The following CDH12 variants were observed in gnomAD, a reference collection of about 807,000 sequenced individuals.
CDH12 encodes the protein cadherin 12.
Under a neutral mutation model 74.1 loss-of-function variants are expected in CDH12, and 41 were observed. The ratio of observed to expected loss-of-function variants is 0.55; its 90% confidence interval spans 0.43 to 0.72. The LOEUF is 0.72. Ranked by LOEUF, CDH12 falls within the 30% of genes least tolerant of loss-of-function variation. CDH12 has a pLI of 0.00. For missense variants in CDH12, 945 were observed against 977.2 expected, an observed-to-expected ratio of 0.97 and a Z score of 0.44; for synonymous variants, 399 against 355.0, an observed-to-expected ratio of 1.12 and a Z score of -1.39.
At chr5:22,570,799 G>T (rs766586606) in intron 1 of CDH12, among the ~76,000 whole-genome samples, 2 of 151,404 alleles carry the variant, frequency 1.3e-5, no homozygotes, top group Non-Finnish European at 2.9e-5. Flanking sequence ...CTTCTCTCTA[G>T]CTATGAAAAT....
intron 1 of CDH12, among the ~76,000 whole-genome samples, chr5:22,797,379 A>G (rs1232416611): frequency 6.6e-5 from 10 of 152,104 alleles, no homozygotes; most frequent in Non-Finnish European, 1.5e-4. Context: ...TCTGTAGTCC[A>G]TGGCATTCTG....
intron 1 of CDH12, among the ~76,000 whole-genome samples, chr5:22,518,147 T>C (rs145184923): frequency 1.3e-4 from 20 of 152,354 alleles, no homozygotes; most frequent in African/African-American, 4.3e-4. Context: ...TAGTAATTTA[T>C]TGATGAAGAT....
Position 22,216,424 on chromosome 5 carries a change from T to C in CDH12, c.-332-3781A>G, listed in dbSNP as rs1415603750. Reference sequence around the variant, plus strand: ...TCTTACACAAATAGAATCTTGCTTCTGTATACCAATGTAGATTCAGCTATT... The same window carrying C: ...TCTTACACAAATAGAATCTTGCTTCCGTATACCAATGTAGATTCAGCTATT... On this transcript the variant is annotated intron_variant, in intron 3 of 14. Coordinates refer to ENST00000382254, the MANE Select transcript of CDH12 (RefSeq NM_004061.5). 3.3e-5 allele frequency among the ~76,000 whole-genome samples: 5 copies of C among 152,092 alleles called. No homozygotes were observed. The East Asian group carries it at 9.7e-4, about 29-fold the overall frequency.
chr5:22,733,439 CTTT>C (rs76609709), intron 1 of CDH12, among the ~76,000 whole-genome samples: 2 of 142,464 alleles, frequency 1.4e-5, no homozygotes, highest in African/African-American at 2.6e-5. Context: ...CTTTGTGAAT[CTTT>C]TTTTTTTTTT....
intron 1 of CDH12, among the ~76,000 whole-genome samples, chr5:22,650,045 A>T (rs188819389): frequency 2.7e-3 from 408 of 152,178 alleles, no homozygotes; most frequent in African/African-American, 8.7e-3. Context: ...TGGGTGCAAA[A>T]TTAAATCATA....
chr5:22,562,438 T>G (rs1549327), intron 1 of CDH12, among the ~76,000 whole-genome samples: 22,880 of 152,228 alleles, frequency 0.15, 2,344 homozygotes, highest in East Asian at 0.37. Flanking sequence ...ATCGCCACTT[T>G]CTGTCTAAAA....
intron 1 of CDH12, among the ~76,000 whole-genome samples, chr5:22,646,326 G>A (rs1054948789): frequency 4.0e-5 from 6 of 151,700 alleles, no homozygotes; most frequent in African/African-American, 1.4e-4. Flanking sequence ...AATCAATCAT[G>A]CTGTCATTTC....
chr5:22,252,235 T>C (rs1160923855), intron 3 of CDH12, among the ~76,000 whole-genome samples: 2 of 152,006 alleles, frequency 1.3e-5, no homozygotes, highest in East Asian at 1.9e-4. Context: ...GATAATCTAG[T>C]GTTAGATGTA....
intron 1 of CDH12, among the ~76,000 whole-genome samples, chr5:22,625,244 A>G (rs1738223464): frequency 6.6e-6 from 1 of 152,220 alleles, no homozygotes; most frequent in Admixed American, 6.5e-5. Flanking sequence ...AACATGGCAC[A>G]TGTATACATA....
At chr5:21,847,551 C>A (rs1001280387) in intron 7 of CDH12, among the ~76,000 whole-genome samples, 1 of 152,010 alleles carries the variant, frequency 6.6e-6, no homozygotes, top group Non-Finnish European at 1.5e-5. Context: ...AAGGCAGTAG[C>A]AGATTAGCGT....
intron 3 of CDH12, among the ~76,000 whole-genome samples, chr5:22,251,175 T>C (rs1048394767): frequency 6.6e-6 from 1 of 152,190 alleles, no homozygotes; most frequent in African/African-American, 2.4e-5. Flanking sequence ...CTTATTTCTT[T>C]GTTTAAAATG....
chr5:22,711,679 AT>A (rs1357463169), intron 1 of CDH12, among the ~76,000 whole-genome samples: 2 of 152,074 alleles, frequency 1.3e-5, no homozygotes, highest in Non-Finnish European at 2.9e-5. Flanking sequence ...TTCATAGGAA[AT>A]TTTTTATTGC....
At chr5:22,740,092 A>C (rs1186207224) in intron 1 of CDH12, among the ~76,000 whole-genome samples, 1 of 152,078 alleles carries the variant, frequency 6.6e-6, no homozygotes, top group Non-Finnish European at 1.5e-5. Context: ...TACATAATTG[A>C]ATTTAATATT....
intron 7 of CDH12, among the ~76,000 whole-genome samples, chr5:21,844,359 A>C (rs1054613598): frequency 3.3e-5 from 5 of 151,982 alleles, no homozygotes; most frequent in African/African-American, 9.7e-5. Context: ...CAAAAAAAAA[A>C]CATACACATA....
rs943286703 is a variant in CDH12, at chr5:21,868,779, T to G, written c.527-13989A>C. Among the ~76,000 whole-genome samples the G allele has an allele frequency of 3.9e-5, 6 of 152,144 alleles. 1 individual carries two copies. The highest frequency in any genetic ancestry group is 2.0e-4 in the Admixed American group (3 of 15,286). ...GATCACGGTTTGAATCTCACCCATA[T>G]CTGGTTTAGATGGAATTTTGGACTT... On this transcript the variant is annotated intron_variant, in intron 6 of 14. Coordinates refer to ENST00000382254, the MANE Select transcript of CDH12 (RefSeq NM_004061.5).
chr5:22,456,630 T>C (rs1418632382), intron 2 of CDH12, among the ~76,000 whole-genome samples: 1 of 117,562 alleles, frequency 8.5e-6, no homozygotes, highest in East Asian at 2.5e-4. Flanking sequence ...CTGAAAGTCT[T>C]TGAATGGAAA....
intron 1 of CDH12, among the ~76,000 whole-genome samples, chr5:22,802,802 T>A (rs1019133125): frequency 4.6e-5 from 7 of 152,172 alleles, no homozygotes; most frequent in African/African-American, 1.7e-4. Flanking sequence ...ATCCTTAAGA[T>A]AAGCATTTTA....
chr5:22,622,661 G>A (rs1198415564), intron 1 of CDH12, among the ~76,000 whole-genome samples: 2 of 151,040 alleles, frequency 1.3e-5, no homozygotes, highest in African/African-American at 2.4e-5. Context: ...AACAGGCTCT[G>A]AAATTGAGGC....
chr5:22,716,004 G>A (rs921681224), intron 1 of CDH12, among the ~76,000 whole-genome samples: 1 of 151,676 alleles, frequency 6.6e-6, no homozygotes, highest in African/African-American at 2.4e-5. Context: ...GAGTGTGATG[G>A]TGCGTGCCTG....
Sources: allele counts gnomAD v4.1 joint callset (sites outside exome capture counted in the v4.1 genomes callset), GRCh38; gene constraint gnomAD v4.1.1; transcripts MANE v1.5; gene names NCBI Gene and HGNC (gene_info 2026-07-23, HGNC 2026-07-21).